Variants in GALNTL6 observed in about 807,000 individuals in gnomAD.
GALNTL6 encodes polypeptide N-acetylgalactosaminyltransferase like 6.
GALNTL6 carries 46 observed loss-of-function variants against 73.7 expected under a neutral mutation model. The observed-to-expected ratio is 0.62, with a 90% confidence interval of 0.49 to 0.80. The LOEUF is 0.80. Ranked by LOEUF, GALNTL6 falls within the 30% of genes least tolerant of loss-of-function variation. The pLI is 0.00. For synonymous variants in GALNTL6, 259 were observed against 263.7 expected (o/e 0.98, Z 0.17); for missense variants, 604 against 755.0 (o/e 0.80, Z 2.34).
chr4:172,569,459 G>A lies in GALNTL6; in HGVS notation c.553+220770G>A, dbSNP rs1260408544. ...TGTAGCAGGCCTCCTCAAAGCCCAA[G>A]TTTAAAAATGTATTAATTGCAATGC... On this transcript the variant is annotated intron_variant, in intron 5 of 12. Coordinates refer to ENST00000506823, the MANE Select transcript of GALNTL6 (RefSeq NM_001034845.3). 2.0e-5 allele frequency among the ~76,000 whole-genome samples: 3 copies of A among 152,268 alleles called. No individual in the cohort carries two copies. The East Asian group carries it at 5.8e-4, about 29-fold the overall frequency.
chr4:172,213,778 A>G (rs1317232671), intron 2 of GALNTL6, among the ~76,000 whole-genome samples: 1 of 152,142 alleles, frequency 6.6e-6, no homozygotes, highest in Non-Finnish European at 1.5e-5. Context: ...GTCTTTGGCA[A>G]AGCAGAAGTT....
At chr4:172,479,525 T>C (rs1180022221) in intron 5 of GALNTL6, among the ~76,000 whole-genome samples, 1 of 152,108 alleles carries the variant, frequency 6.6e-6, no homozygotes, top group Non-Finnish European at 1.5e-5. Flanking sequence ...GTATACACAG[T>C]GGTGTAATGG....
intron 2 of GALNTL6, among the ~76,000 whole-genome samples, chr4:171,897,892 A>C (rs1736974024): frequency 6.6e-6 from 1 of 150,844 alleles, no homozygotes; most frequent in Non-Finnish European, 1.5e-5. Context: ...GTGCCACTGC[A>C]CTCCAGCCTG....
At chr4:172,121,751 C>T (rs1202992717) in intron 2 of GALNTL6, among the ~76,000 whole-genome samples, 3 of 152,078 alleles carry the variant, frequency 2.0e-5, no homozygotes, top group Admixed American at 2.0e-4. Context: ...ATTATCATCT[C>T]AAAGTGCTAG....
chr4:172,880,861 A>G (rs1488901545), intron 7 of GALNTL6, among the ~76,000 whole-genome samples: 1 of 152,172 alleles, frequency 6.6e-6, no homozygotes, highest in African/African-American at 2.4e-5. Context: ...CCTAAGATAC[A>G]CTGCATGGGT....
At chr4:172,425,403 G>T (rs1243547789) in intron 5 of GALNTL6, 1 of 151,804 alleles carries the variant, frequency 6.6e-6, no homozygotes. Context: ...CTATGTTCTT[G>T]GGTACGACAT....
rs1034937594 is a variant in GALNTL6 at position 172,802,082 on chromosome 4, A to G, written c.554-7279A>G. 4.6e-5 allele frequency among the ~76,000 whole-genome samples: 7 copies of G among 151,468 alleles called. No homozygotes were observed. In the East Asian group the frequency reaches 9.7e-4, roughly 21 times the overall value. Reference sequence around the variant, plus strand: ...AAAATCAAGCCCTTGGTCCTGAGGAATTTCCCATCGTTTGGATTTTGCCAA... The same window carrying G: ...AAAATCAAGCCCTTGGTCCTGAGGAGTTTCCCATCGTTTGGATTTTGCCAA... On this transcript the variant is annotated intron_variant, in intron 5 of 12. Coordinates refer to ENST00000506823, the MANE Select transcript of GALNTL6 (RefSeq NM_001034845.3).
At chr4:172,772,696 G>GCTTA (rs1294474237) in intron 5 of GALNTL6, among the ~76,000 whole-genome samples, 1 of 149,520 alleles carries the variant, frequency 6.7e-6, no homozygotes, top group African/African-American at 2.4e-5. Context: ...TTTAGAAAGA[G>GCTTA]CTTACACTTT....
Position 172,739,169 on chromosome 4 carries a change from T to C in GALNTL6, c.554-70192T>C, listed in dbSNP as rs77722776. Among the ~76,000 whole-genome samples the C allele has an allele frequency of 6.2e-4, 94 of 152,322 alleles. 1 individual carries two copies. The East Asian group carries it at 0.018, about 29-fold the overall frequency. ...CAAGGAGGAAGTCCATTTAGATGGTTGGAGGGCCTTAGAATTTTATTTTTG... is the reference window on the plus strand; with the variant it reads ...CAAGGAGGAAGTCCATTTAGATGGTCGGAGGGCCTTAGAATTTTATTTTTG... On this transcript the variant is annotated intron_variant, in intron 5 of 12. Transcript: ENST00000506823.
intron 2 of GALNTL6, among the ~76,000 whole-genome samples, chr4:171,876,125 C>A (rs568923847): frequency 1.3e-5 from 2 of 151,980 alleles, no homozygotes; most frequent in African/African-American, 4.8e-5. Context: ...GTTCAATAAA[C>A]GGATTCTTAG....
intron 2 of GALNTL6, among the ~76,000 whole-genome samples, chr4:171,891,242 T>C (rs1736751947): frequency 6.6e-6 from 1 of 152,164 alleles, no homozygotes; most frequent in Admixed American, 6.5e-5. Flanking sequence ...AGACCAAAAG[T>C]CTAAAACATT....
At chr4:172,971,982 A>G (rs1750605446) in intron 10 of GALNTL6, among the ~76,000 whole-genome samples, 1 of 152,202 alleles carries the variant, frequency 6.6e-6, no homozygotes, top group Non-Finnish European at 1.5e-5. Flanking sequence ...AAATTAAAGA[A>G]TATGCATAAA....
At chr4:172,329,672 G>A (rs1416384752) in intron 4 of GALNTL6, among the ~76,000 whole-genome samples, 3 of 152,114 alleles carry the variant, frequency 2.0e-5, no homozygotes, top group African/African-American at 7.2e-5. Flanking sequence ...CTGCTGCACT[G>A]TGCCAGGAAA....
intron 3 of GALNTL6, among the ~76,000 whole-genome samples, chr4:172,307,135 AT>A (rs1289882135): frequency 2.6e-5 from 4 of 152,020 alleles, no homozygotes; most frequent in Non-Finnish European, 5.9e-5. Flanking sequence ...CTATTTTTTG[AT>A]TTTTAAATTG....
At chr4:172,930,140 T>C (rs1748253758) in intron 8 of GALNTL6, among the ~76,000 whole-genome samples, 1 of 152,136 alleles carries the variant, frequency 6.6e-6, no homozygotes, top group South Asian at 2.1e-4. Context: ...TAGCTCAGCG[T>C]GGTAGCGGGC....
At chr4:172,432,181 T>G (rs367883576) in intron 5 of GALNTL6, among the ~76,000 whole-genome samples, 1 of 151,930 alleles carries the variant, frequency 6.6e-6, no homozygotes, top group African/African-American at 2.4e-5. Context: ...AATCACACAG[T>G]GTTGAAGCTG....
intron 10 of GALNTL6, among the ~76,000 whole-genome samples, chr4:172,954,764 G>C (rs1335851728): frequency 6.6e-6 from 1 of 151,894 alleles, no homozygotes; most frequent in Non-Finnish European, 1.5e-5. Flanking sequence ...CACCACACCC[G>C]GCAACAGATT....
intron 2 of GALNTL6, among the ~76,000 whole-genome samples, chr4:172,207,019 A>T (rs7661021): frequency 1.9e-4 from 29 of 150,410 alleles, no homozygotes; most frequent in Non-Finnish European, 3.0e-4. Context: ...GGGTTTCACC[A>T]TGTTAGCCAG....
intron 2 of GALNTL6, among the ~76,000 whole-genome samples, chr4:172,056,446 A>G (rs934512132): frequency 2.6e-5 from 4 of 152,080 alleles, no homozygotes; most frequent in Non-Finnish European, 5.9e-5. Context: ...GAATATTTCT[A>G]TTTATATTTT....
Sources: gnomAD v4.1 joint callset for allele counts (sites outside exome capture counted in the v4.1 genomes callset) on GRCh38, gnomAD v4.1.1 for gene constraint, MANE v1.5 for transcripts, NCBI Gene and HGNC (gene_info 2026-07-23, HGNC 2026-07-21) for gene names.